The following SPOCK3 variants were observed in gnomAD, a reference collection of about 807,000 sequenced individuals.
The protein encoded by SPOCK3 is testican-3.
Under a neutral mutation model 56.6 loss-of-function variants are expected in SPOCK3, and 30 were observed. The ratio of observed to expected loss-of-function variants is 0.53; its 90% CI spans 0.40 to 0.72. The LOEUF (loss-of-function observed/expected upper bound fraction) is 0.72. SPOCK3 is among the 30% of genes least tolerant of loss of function. The pLI is 0.00. For missense variants in SPOCK3, 527 were observed against 530.0 expected (o/e 0.99, Z 0.06); for synonymous variants, 196 against 183.3 (o/e 1.07, Z -0.56).
At chr4:167,199,797 T>G (rs1733344552) in intron 2 of SPOCK3, among the ~76,000 whole-genome samples, 1 of 149,990 alleles carries the variant, frequency 6.7e-6, no homozygotes, top group South Asian at 2.1e-4. Context: ...CATAGAAAAA[T>G]TTTTCTGCAC....
intron 2 of SPOCK3, among the ~76,000 whole-genome samples, chr4:167,150,667 A>G (rs188018739): frequency 1.3e-5 from 2 of 152,310 alleles, no homozygotes; most frequent in African/African-American, 4.8e-5. Flanking sequence ...GGAGATGAAT[A>G]TTTGATATTA....
intron 2 of SPOCK3, among the ~76,000 whole-genome samples, chr4:167,230,697 C>T (rs999291984): frequency 6.6e-6 from 1 of 151,958 alleles, no homozygotes; most frequent in African/African-American, 2.4e-5. Flanking sequence ...AACTTGTATG[C>T]TTTCCTAAGA....
chr4:167,225,771 T>C (rs1736533094), intron 2 of SPOCK3, among the ~76,000 whole-genome samples: 2 of 146,714 alleles, frequency 1.4e-5, no homozygotes, highest in African/African-American at 5.2e-5. Context: ...TCTCGCATGT[T>C]AAGAAAAAAA....
At chr4:166,958,009 G>A (rs1192744939) in intron 4 of SPOCK3, among the ~76,000 whole-genome samples, 1 of 152,076 alleles carries the variant, frequency 6.6e-6, no homozygotes, top group Non-Finnish European at 1.5e-5. Context: ...TTTGGGAGAG[G>A]CCAGAGGCAG....
intron 6 of SPOCK3, among the ~76,000 whole-genome samples, chr4:166,820,121 G>C (rs1267063270): frequency 6.6e-6 from 1 of 151,950 alleles, no homozygotes; most frequent in Non-Finnish European, 1.5e-5. Flanking sequence ...TCGGAAACAA[G>C]CAAGTTGACT....
chr4:166,775,169 A>G lies in SPOCK3; in HGVS notation c.709+17001T>C, dbSNP rs183258616. Among the ~76,000 whole-genome samples, 1,282 of 152,270 alleles carry G rather than the reference A, an allele frequency of 8.4e-3. 7 individuals are homozygous for G. Among genetic ancestry groups the G allele is most frequent in the Middle Eastern group, 0.014 (4 of 294 alleles). On this transcript the variant is annotated intron_variant, in intron 7 of 10. Transcript: ENST00000357545. The stretch of plus-strand genomic sequence containing the variant: ...AGAGTAACGGATCTATGGTCAGAGC[A>G]TGATTAATGTCACTGCAGAAAAAAA...
At chr4:167,015,659 G>A (rs928138860) in intron 3 of SPOCK3, among the ~76,000 whole-genome samples, 12 of 152,034 alleles carry the variant, frequency 7.9e-5, no homozygotes, top group Admixed American at 4.6e-4. Flanking sequence ...AAAACAATCC[G>A]TTGGAAAGTA....
intron 2 of SPOCK3, among the ~76,000 whole-genome samples, chr4:167,165,372 AC>A (rs1765667853): frequency 1.3e-5 from 2 of 152,142 alleles, no homozygotes; most frequent in African/African-American, 4.8e-5. Flanking sequence ...CAAGAAAAAA[AC>A]AACCCCATCA....
At chr4:167,063,232 G>A (rs1238812595) in intron 2 of SPOCK3, among the ~76,000 whole-genome samples, 1 of 151,520 alleles carries the variant, frequency 6.6e-6, no homozygotes, top group Non-Finnish European at 1.5e-5. Flanking sequence ...ACAAATGTAG[G>A]GCAACGTATA....
At chr4:166,825,546 A>G (rs1192874726) in intron 6 of SPOCK3, among the ~76,000 whole-genome samples, 2 of 152,120 alleles carry the variant, frequency 1.3e-5, no homozygotes, top group South Asian at 2.1e-4. Context: ...GTATCTACCC[A>G]TAGGAAAAGA....
intron 3 of SPOCK3, among the ~76,000 whole-genome samples, chr4:167,026,206 C>A (rs562019187): frequency 6.6e-6 from 1 of 151,938 alleles, no homozygotes; most frequent in Admixed American, 6.6e-5. Context: ...AGCCCTGTGT[C>A]GGGTTAACTG....
Position 166,754,604 on chromosome 4 carries a change from C to G in SPOCK3, c.835G>C (p.Glu279Gln), listed in dbSNP as rs748035289. 7.4e-6 allele frequency: 12 copies of G among 1,613,646 alleles called. 1 individual carries two copies. The South Asian group carries it at 1.3e-4, about 18-fold the overall frequency. The change falls in exon 8 of 11, where the codon GAA becomes CAA. Residue 279 changes from glutamate to glutamine, a missense_variant. Physicochemically the swap from Glu to Gln is conservative, Grantham distance 29. Coordinates refer to ENST00000357545, the MANE Select transcript of SPOCK3 (RefSeq NM_001040159.2). ...TTGAAGAATGCCTTGGTACACTGTTCATTCTTATCAAGGTAAATGCTTCTG... is the reference window on the plus strand; with the variant it reads ...TTGAAGAATGCCTTGGTACACTGTTGATTCTTATCAAGGTAAATGCTTCTG... ...ELRSIYLDKN[E>Q]QCTKAFFNSC...
At chr4:166,766,673 G>A (rs13143129) in intron 7 of SPOCK3, among the ~76,000 whole-genome samples, 50,190 of 151,944 alleles carry the variant, frequency 0.33, 8,451 homozygotes, top group Admixed American at 0.42. Flanking sequence ...TCTCTGCCAG[G>A]CTTTGGTATC....
intron 4 of SPOCK3, among the ~76,000 whole-genome samples, chr4:166,951,151 GT>G (rs1742563950): frequency 6.9e-6 from 1 of 144,076 alleles, no homozygotes; most frequent in Non-Finnish European, 1.5e-5. Context: ...CCAGGAGCTG[GT>G]TTTTTGAAAG....
At chr4:167,109,435 AAT>A (rs1378523123) in intron 2 of SPOCK3, among the ~76,000 whole-genome samples, 1 of 104,568 alleles carries the variant, frequency 9.6e-6, no homozygotes, top group Non-Finnish European at 1.8e-5. Flanking sequence ...ATATATGATA[AAT>A]ATATATTTAT....
chr4:167,073,722 ATTG>A (rs1756912095), intron 2 of SPOCK3, among the ~76,000 whole-genome samples: 1 of 151,662 alleles, frequency 6.6e-6, no homozygotes, highest in Non-Finnish European at 1.5e-5. Flanking sequence ...AATTTATTTC[ATTG>A]TTGTTATTTG....
At chr4:166,959,341 G>T (rs1417263265) in intron 4 of SPOCK3, among the ~76,000 whole-genome samples, 1 of 152,122 alleles carries the variant, frequency 6.6e-6, no homozygotes, top group Non-Finnish European at 1.5e-5. Context: ...TCGGCCAGGC[G>T]TGGTGGCTCA....
intron 6 of SPOCK3, among the ~76,000 whole-genome samples, chr4:166,829,924 T>C (rs1425549355): frequency 1.3e-5 from 2 of 152,184 alleles, no homozygotes; most frequent in African/African-American, 2.4e-5. Context: ...TGTGGTGGAA[T>C]TGACTGTATC....
chr4:166,927,507 T>C (rs544045359), intron 4 of SPOCK3, among the ~76,000 whole-genome samples: 1 of 152,330 alleles, frequency 6.6e-6, no homozygotes, highest in African/African-American at 2.4e-5. Context: ...CTCTCAGGTA[T>C]GTCTTTATCA....
Sources: gnomAD v4.1 joint callset for allele counts (sites outside exome capture counted in the v4.1 genomes callset) on GRCh38, gnomAD v4.1.1 for gene constraint, MANE v1.5 for transcripts, NCBI Gene and HGNC (gene_info 2026-07-23, HGNC 2026-07-21) for gene names.